The following ZBTB44 variants were observed in gnomAD, a reference collection of about 807,000 sequenced individuals.
ZBTB44 encodes zinc finger and BTB domain-containing protein 44.
Under a neutral mutation model 54.0 loss-of-function variants are expected in ZBTB44, and 15 were observed. The observed-to-expected ratio is 0.28, with a 90% CI of 0.19 to 0.43. The LOEUF is 0.43. Among genes scored for constraint, ZBTB44 ranks in the 20% least tolerant of loss-of-function variants. ZBTB44 has a pLI of 1.00. For synonymous variants in ZBTB44, 230 were observed against 250.1 expected, an observed-to-expected ratio of 0.92 and a Z score of 0.76; for missense variants, 487 against 707.1, an observed-to-expected ratio of 0.69 and a Z score of 3.53.
intron 1 of ZBTB44, among the ~76,000 whole-genome samples, chr11:130,269,171 CCTAG>C (rs1939489700): frequency 2.0e-5 from 3 of 151,962 alleles, no homozygotes; most frequent in East Asian, 2.0e-4. Context: ...TGCCTGTAAT[CCTAG>C]CTAGTCGGGA....
At chr11:130,295,557 T>C in intron 1 of ZBTB44, 3 of 701,164 alleles carry the variant, frequency 4.3e-6, no homozygotes, top group Non-Finnish European at 7.9e-6. Context: ...AGCCTGCCCC[T>C]GGGACTCACA....
intron 7 of ZBTB44, chr11:130,233,040 A>C: frequency 5.5e-6 from 2 of 366,968 alleles, no homozygotes; most frequent in Non-Finnish European, 9.7e-6. Context: ...TGTAGCCTCA[A>C]TAGAGAATTA....
chr11:130,301,883 T>C (rs1942006085), intron 1 of ZBTB44, among the ~76,000 whole-genome samples: 1 of 151,654 alleles, frequency 6.6e-6, no homozygotes, highest in African/African-American at 2.4e-5. Context: ...ACCCCATCTC[T>C]AGTACAAAAA....
At chr11:130,299,539 C>T (rs1017420283) in intron 1 of ZBTB44, among the ~76,000 whole-genome samples, 62 of 144,762 alleles carry the variant, frequency 4.3e-4, no homozygotes, top group African/African-American at 1.5e-3. Flanking sequence ...GGTGACAGAG[C>T]GAGACTTCGT....
intron 1 of ZBTB44, among the ~76,000 whole-genome samples, chr11:130,302,157 A>C (rs1202631473): frequency 1.3e-5 from 2 of 152,196 alleles, no homozygotes; most frequent in Non-Finnish European, 2.9e-5. Context: ...ATATTATGTA[A>C]CTTAATTTTC....
At position 130,238,447 on chromosome 11, in the gene ZBTB44, AGTGG is replaced by A; in HGVS notation, c.1260_1263del (p.His421GlnfsTer21). 1 of 1,605,592 alleles carries A rather than the reference AGTGG, an allele frequency of 6.2e-7. No individual in the cohort carries two copies. ...CCAACAGGGAAGGTGACATTACCTG[AGTGG>A]ATGAGCATGTGCTGCTTTAGGTTCT... On this transcript the variant is annotated frameshift_variant, in exon 4 of 8. Coordinates refer to ENST00000357899, the MANE Select transcript of ZBTB44 (RefSeq NM_001301098.2). LOFTEE classifies it high-confidence loss of function.
At chr11:130,265,962 C>T (rs1334585606) in intron 1 of ZBTB44, among the ~76,000 whole-genome samples, 5 of 152,188 alleles carry the variant, frequency 3.3e-5, no homozygotes, top group East Asian at 1.9e-4. Flanking sequence ...AGATCATTGA[C>T]GAAGGTGGCT....
chr11:130,304,750 A>G (rs1264246136), intron 1 of ZBTB44, among the ~76,000 whole-genome samples: 3 of 152,310 alleles, frequency 2.0e-5, no homozygotes, highest in African/African-American at 4.8e-5. Flanking sequence ...TTTTATTTTG[A>G]AAACTTTTAG....
chr11:130,293,797 AAAAC>A lies in ZBTB44; in HGVS notation c.-57+20574_-57+20577del, dbSNP rs575941518. Among the ~76,000 whole-genome samples, 307 of 152,186 alleles carry A rather than the reference AAAAC, an allele frequency of 2.0e-3. 2 individuals are homozygous for A. Among genetic ancestry groups the A allele is most frequent in the Non-Finnish European group, 2.7e-3 (183 of 67,990 alleles). ...GGCAACAAAAGCGAAATTCCATCTC[AAAAC>A]AAACAAACAAACAAACAAAAAAACC... On this transcript the variant is annotated intron_variant, in intron 1 of 7. Coordinates refer to ENST00000357899, the MANE Select transcript of ZBTB44 (RefSeq NM_001301098.2).
intron 2 of ZBTB44, among the ~76,000 whole-genome samples, chr11:130,240,215 G>C (rs1954302120): frequency 6.6e-6 from 1 of 151,794 alleles, no homozygotes; most frequent in African/African-American, 2.4e-5. Flanking sequence ...CTCATTTTTT[G>C]TATTTTAGTA....
At chr11:130,259,525 T>C (rs1013442451) in intron 2 of ZBTB44, among the ~76,000 whole-genome samples, 4 of 152,226 alleles carry the variant, frequency 2.6e-5, no homozygotes, top group Non-Finnish European at 4.4e-5. Context: ...GCGGCACTAT[T>C]CACAATAGCA....
At chr11:130,236,284 A>G in intron 5 of ZBTB44, 1 of 1,256,716 alleles carries the variant, frequency 8.0e-7, no homozygotes, top group Non-Finnish European at 1.0e-6. Flanking sequence ...ACTGAATGAA[A>G]ATAGCAATGA....
rs113340027 is a variant in ZBTB44, at chr11:130,296,412, C to T, written c.-57+17963G>A. ...CATTGATTTGCCCGTCTTGGCCATT[C>T]ATGGAAAGCAAAAGCAAAATAAATG... On this transcript the variant is annotated intron_variant, in intron 1 of 7. Transcript: ENST00000357899. The T allele has an allele frequency of 7.2e-5, 106 of 1,481,914 alleles. No homozygotes were observed. In the African/African-American group the frequency reaches 1.3e-3, roughly 19 times the overall value. The allele number at this position is 1,481,914 out of a possible 1,614,324, so 91.8% of individuals were successfully genotyped here. A position where few individuals can be genotyped will look rare whatever the true frequency, so the allele number is the denominator to read the frequency against.
At chr11:130,278,964 T>C (rs1406841175) in intron 1 of ZBTB44, among the ~76,000 whole-genome samples, 1 of 152,166 alleles carries the variant, frequency 6.6e-6, no homozygotes. Context: ...TTTTTTCTGG[T>C]GCATGAGTCA....
chr11:130,269,044 A>G (rs1939481150), intron 1 of ZBTB44, among the ~76,000 whole-genome samples: 1 of 151,210 alleles, frequency 6.6e-6, no homozygotes, highest in Admixed American at 6.6e-5. Context: ...TAATCCCAGC[A>G]CTTTGGGAGG....
intron 2 of ZBTB44, among the ~76,000 whole-genome samples, chr11:130,250,040 A>G (rs1448687378): frequency 6.6e-6 from 1 of 152,222 alleles, no homozygotes; most frequent in Non-Finnish European, 1.5e-5. Flanking sequence ...CTGCCAGCAC[A>G]GCAGTCTGAA....
intron 1 of ZBTB44, among the ~76,000 whole-genome samples, chr11:130,291,655 T>C (rs1246614004): frequency 6.6e-6 from 1 of 152,190 alleles, no homozygotes; most frequent in Non-Finnish European, 1.5e-5. Context: ...GTAGTTCTGT[T>C]GGGACTCACT....
chr11:130,235,432 C>T (rs1954066548), intron 5 of ZBTB44, among the ~76,000 whole-genome samples: 1 of 152,122 alleles, frequency 6.6e-6, no homozygotes, highest in African/African-American at 2.4e-5. Context: ...TTAGAGATGA[C>T]TGCATTAAAC....
chr11:130,266,842 ACTC>A lies in ZBTB44; in HGVS notation c.-56-4916_-56-4914del, dbSNP rs552915644. Among the ~76,000 whole-genome samples the A allele has an allele frequency of 6.0e-4, 91 of 152,300 alleles. 2 individuals carry two copies. Among genetic ancestry groups the A allele is most frequent in the African/African-American group, 2.1e-3 (86 of 41,562 alleles). ...ACAGTGGTTTCTTGAGTTGGAGTCT[ACTC>A]CTGGTGAAGATACTAGGAACACTGT... On this transcript the variant is annotated intron_variant, in intron 1 of 7. Coordinates refer to ENST00000357899, the MANE Select transcript of ZBTB44 (RefSeq NM_001301098.2).
Sources: gnomAD v4.1 joint callset for allele counts (sites outside exome capture counted in the v4.1 genomes callset) on GRCh38, gnomAD v4.1.1 for gene constraint, MANE v1.5 for transcripts, NCBI Gene and HGNC (gene_info 2026-07-23, HGNC 2026-07-21) for gene names.